Variants in KCNMB4 observed in about 807,000 individuals in gnomAD.
The protein encoded by KCNMB4 is potassium calcium-activated channel subfamily M regulatory beta subunit 4.
A neutral mutation model predicts 20.7 loss-of-function variants in KCNMB4; 3 were observed. The ratio of observed to expected loss-of-function variants is 0.14; its 90% CI spans 0.07 to 0.37. The LOEUF (loss-of-function observed/expected upper bound fraction) is 0.37, where lower values mean the gene tolerates loss of function less well. KCNMB4 is among the 10% of genes least tolerant of loss of function. The probability of loss-of-function intolerance (pLI) is 1.00; values close to 1 mark genes in which losing one functional copy is unlikely to be tolerated. For synonymous variants in KCNMB4, 110 were observed against 113.4 expected, an observed-to-expected ratio of 0.97 and a Z score of 0.19; for missense variants, 168 against 265.9, an observed-to-expected ratio of 0.63 and a Z score of 2.56.
rs551085353 is a variant in KCNMB4 at position 70,366,721 on chromosome 12, G to C, written c.-14G>C. On this transcript the variant is annotated 5_prime_UTR_variant, in exon 1 of 3. Transcript: ENST00000258111. ...GGGCGGGGGGAGCACGCCAGCCGCC[G>C]AGAGTGGGGGGCGATGGCGAAGCTC... 4 of 1,540,670 alleles carry C rather than the reference G, an allele frequency of 2.6e-6. No homozygotes were observed. Among genetic ancestry groups the C allele is most frequent in the East Asian group, 2.5e-5 (1 of 40,306 alleles).
chr12:70,418,116 T>C (rs76720459), intron 2 of KCNMB4, among the ~76,000 whole-genome samples: 29 of 152,144 alleles, frequency 1.9e-4, no homozygotes, highest in Non-Finnish European at 1.5e-4. Flanking sequence ...AGAAGATACA[T>C]TGGCATTTGG....
chr12:70,394,634 T>C (rs1868334418), intron 1 of KCNMB4, among the ~76,000 whole-genome samples: 1 of 152,174 alleles, frequency 6.6e-6, no homozygotes, highest in South Asian at 2.1e-4. Flanking sequence ...CATGCACATA[T>C]GCACCCACAA....
rs190335909 is a variant in KCNMB4, at chr12:70,388,821, C to G, written c.337-11388C>G. Among the ~76,000 whole-genome samples the G allele has an allele frequency of 5.2e-4, 79 of 152,230 alleles. 1 individual carries two copies. The highest frequency in any genetic ancestry group is 6.8e-3 in the Middle Eastern group (2 of 294). On this transcript the variant is annotated intron_variant, in intron 1 of 2. Coordinates refer to ENST00000258111, the MANE Select transcript of KCNMB4 (RefSeq NM_014505.6). ...AGGATAGTTCCTTGCATATGGTAAG[C>G]CTTCAGTGAATGTTTGCTCTTGTTA...
intron 2 of KCNMB4, among the ~76,000 whole-genome samples, chr12:70,423,892 A>G (rs1340651608): frequency 6.6e-6 from 1 of 152,204 alleles, no homozygotes; most frequent in Non-Finnish European, 1.5e-5. Flanking sequence ...TTTCCTTTAC[A>G]TTTCAGGTTT....
At chr12:70,377,545 G>A (rs1241209614) in intron 1 of KCNMB4, among the ~76,000 whole-genome samples, 3 of 152,188 alleles carry the variant, frequency 2.0e-5, no homozygotes, top group Non-Finnish European at 4.4e-5. Flanking sequence ...ACTAATCAGG[G>A]TGGTGGTTGC....
At position 70,391,186 on chromosome 12, in the gene KCNMB4, CCTTA is replaced by C. The variant is rs576009133; in HGVS notation, c.337-9022_337-9019del. On this transcript the variant is annotated intron_variant, in intron 1 of 2. Coordinates refer to ENST00000258111, the MANE Select transcript of KCNMB4 (RefSeq NM_014505.6). ...TTTCAGGTATGTAAATAAAGAAGAA[CCTTA>C]GAAGGTTATCTATTTATTTTAATCT... Among the ~76,000 whole-genome samples the C allele has an allele frequency of 3.9e-5, 6 of 152,268 alleles. No homozygotes were observed. In the South Asian group the frequency reaches 1.2e-3, roughly 32 times the overall value.
At chr12:70,424,642 C>A (rs1387988786) in intron 2 of KCNMB4, among the ~76,000 whole-genome samples, 1 of 151,428 alleles carries the variant, frequency 6.6e-6, no homozygotes, top group Non-Finnish European at 1.5e-5. Flanking sequence ...CCCAGCTACT[C>A]AGGAGGCTGA....
At chr12:70,379,060 C>T in intron 1 of KCNMB4, among the ~76,000 whole-genome samples, 1 of 152,160 alleles carries the variant, frequency 6.6e-6, no homozygotes, top group East Asian at 1.9e-4. Context: ...TTTAAATATT[C>T]AGTAAACCAT....
chr12:70,428,713 A>G (rs1869278107), intron 2 of KCNMB4, among the ~76,000 whole-genome samples: 1 of 152,218 alleles, frequency 6.6e-6, no homozygotes, highest in Non-Finnish European at 1.5e-5. Flanking sequence ...TCTCAGTAGC[A>G]ACATCTATTT....
At chr12:70,381,893 A>T (rs1420230654) in intron 1 of KCNMB4, among the ~76,000 whole-genome samples, 2 of 152,236 alleles carry the variant, frequency 1.3e-5, no homozygotes, top group South Asian at 2.1e-4. Flanking sequence ...ATATTTCAAT[A>T]AATCTCTTGC....
intron 1 of KCNMB4, among the ~76,000 whole-genome samples, chr12:70,394,621 G>A (rs748949899): frequency 5.3e-5 from 8 of 152,130 alleles, no homozygotes; most frequent in Non-Finnish European, 7.4e-5. Context: ...GTGTGTGCGC[G>A]CCCATGCACA....
At chr12:70,394,582 A>G (rs1377183559) in intron 1 of KCNMB4, among the ~76,000 whole-genome samples, 1 of 152,210 alleles carries the variant, frequency 6.6e-6, no homozygotes, top group Non-Finnish European at 1.5e-5. Flanking sequence ...ACCTACATTC[A>G]TAAGGACTCT....
At chr12:70,385,924 G>C (rs1413486498) in intron 1 of KCNMB4, among the ~76,000 whole-genome samples, 1 of 152,138 alleles carries the variant, frequency 6.6e-6, no homozygotes, top group Non-Finnish European at 1.5e-5. Flanking sequence ...GGTCAACTCT[G>C]TGAAAACAGG....
intron 1 of KCNMB4, among the ~76,000 whole-genome samples, chr12:70,384,873 C>CAAAAAAAAAAAAA (rs57306622): frequency 2.7e-4 from 20 of 74,264 alleles, no homozygotes; most frequent in East Asian, 3.9e-4. Context: ...GACCCTGTCT[C>CAAAAAAAAAAAAA]AAAAAAAAAA....
At chr12:70,422,729 A>C (rs770396836) in intron 2 of KCNMB4, 1 of 1,289,030 alleles carries the variant, frequency 7.8e-7, no homozygotes, top group South Asian at 1.2e-5. Context: ...ACCCCTCTTT[A>C]TTTCTGAGAA....
intron 2 of KCNMB4, among the ~76,000 whole-genome samples, chr12:70,421,748 AT>A (rs1869067233): frequency 6.6e-6 from 1 of 151,434 alleles, no homozygotes; most frequent in Admixed American, 6.6e-5. Flanking sequence ...CACCCATCTA[AT>A]TTTTTGTATT....
At chr12:70,422,850 G>A in intron 2 of KCNMB4, 1 of 1,224,544 alleles carries the variant, frequency 8.2e-7, no homozygotes, top group Non-Finnish European at 1.0e-6. Flanking sequence ...ACCACACAGT[G>A]TGAGTAAAAC....
intron 2 of KCNMB4, among the ~76,000 whole-genome samples, chr12:70,407,554 G>A (rs1386575750): frequency 3.0e-5 from 4 of 131,796 alleles, no homozygotes; most frequent in African/African-American, 1.1e-4. Context: ...TGCAAGCTCC[G>A]CCTCCCGGGT....
chr12:70,382,585 TAAAGG>T (rs1035174938), intron 1 of KCNMB4, among the ~76,000 whole-genome samples: 1 of 151,926 alleles, frequency 6.6e-6, no homozygotes, highest in African/African-American at 2.4e-5. Flanking sequence ...ACAGAAATCA[TAAAGG>T]AATACACTGA....
Sources: allele counts gnomAD v4.1 joint callset (sites outside exome capture counted in the v4.1 genomes callset), GRCh38; gene constraint gnomAD v4.1.1; transcripts MANE v1.5; gene names NCBI Gene and HGNC (gene_info 2026-07-23, HGNC 2026-07-21).